The following DAB1 variants were observed in gnomAD, a reference collection of about 807,000 sequenced individuals.
DAB1 encodes the protein DAB adaptor protein 1, also known as disabled homolog 1.
DAB1 carries 15 observed loss-of-function variants against 64.6 expected under a neutral mutation model. The ratio of observed to expected loss-of-function variants is 0.23; its 90% CI spans 0.16 to 0.36. The LOEUF is 0.36. Among genes scored for constraint, DAB1 ranks in the 10% least tolerant of loss-of-function variants. DAB1 has a pLI of 1.00. For synonymous variants in DAB1, 235 were observed against 251.9 expected (o/e 0.93, Z 0.64); for missense variants, 596 against 706.7 (o/e 0.84, Z 1.78).
intron 2 of DAB1, among the ~76,000 whole-genome samples, chr1:57,288,366 G>A (rs1329005256): frequency 6.6e-6 from 1 of 152,074 alleles, no homozygotes; most frequent in Non-Finnish European, 1.5e-5. Context: ...GCATATCTGT[G>A]TTTCACCAAA....
chr1:58,128,794 C>G (rs1436429724), intron 5 of DAB1, among the ~76,000 whole-genome samples: 1 of 140,844 alleles, frequency 7.1e-6, no homozygotes, highest in Non-Finnish European at 1.5e-5. Context: ...GCCTTGCATC[C>G]CAGGGATGAA....
intron 2 of DAB1, among the ~76,000 whole-genome samples, chr1:57,288,143 T>C (rs1299806338): frequency 6.6e-6 from 1 of 152,186 alleles, no homozygotes; most frequent in Non-Finnish European, 1.5e-5. Context: ...GACAAATGTA[T>C]AGAGAATAAT....
chr1:57,526,376 CA>C (rs1303517015), intron 7 of DAB1, among the ~76,000 whole-genome samples: 1 of 152,190 alleles, frequency 6.6e-6, no homozygotes, highest in Admixed American at 6.5e-5. Flanking sequence ...TCTACAAAAT[CA>C]ATGGCTGAAA....
At chr1:57,929,104 T>C (rs1644920200) in intron 5 of DAB1, among the ~76,000 whole-genome samples, 1 of 152,360 alleles carries the variant, frequency 6.6e-6, no homozygotes, top group East Asian at 1.9e-4. Flanking sequence ...CAGCATTTAG[T>C]AGTCCCTGAG....
chr1:57,105,424 C>T (rs989632130), intron 4 of DAB1, among the ~76,000 whole-genome samples: 2 of 151,612 alleles, frequency 1.3e-5, no homozygotes, highest in African/African-American at 4.8e-5. Context: ...TTTTCCATCC[C>T]CCTGTTGTTT....
intron 2 of DAB1, among the ~76,000 whole-genome samples, chr1:57,223,614 C>T (rs1310935064): frequency 1.3e-5 from 2 of 152,150 alleles, no homozygotes; most frequent in African/African-American, 4.8e-5. Flanking sequence ...GGATATGATC[C>T]CTGGGCAGGC....
At chr1:57,052,535 A>G (rs1048162346) in intron 9 of DAB1, among the ~76,000 whole-genome samples, 3 of 152,206 alleles carry the variant, frequency 2.0e-5, no homozygotes, top group African/African-American at 7.2e-5. Context: ...TTCAGAAGGC[A>G]ACACCATAAC....
intron 4 of DAB1, among the ~76,000 whole-genome samples, chr1:57,080,438 G>T (rs551054166): frequency 6.6e-6 from 1 of 152,212 alleles, no homozygotes; most frequent in East Asian, 1.9e-4. Flanking sequence ...GTCCTCTTTT[G>T]TTCTTAAAAT....
At chr1:57,909,249 C>A (rs1271675129) in intron 5 of DAB1, among the ~76,000 whole-genome samples, 2 of 152,142 alleles carry the variant, frequency 1.3e-5, no homozygotes, top group African/African-American at 4.8e-5. Flanking sequence ...ACTCAGTGGC[C>A]TTCTTCATAA....
chr1:58,458,686 C>A (rs1341440895), intron 3 of DAB1, among the ~76,000 whole-genome samples: 2 of 152,118 alleles, frequency 1.3e-5, no homozygotes, highest in African/African-American at 4.8e-5. Context: ...TGCCTGTTAT[C>A]CCAGCTACTT....
chr1:58,185,443 T>C (rs930785029), intron 4 of DAB1, among the ~76,000 whole-genome samples: 14 of 152,162 alleles, frequency 9.2e-5, no homozygotes, highest in African/African-American at 3.4e-4. Flanking sequence ...TCAGAAGGAA[T>C]CCTAGCCTGA....
chr1:57,137,995 A>AT lies in DAB1; in HGVS notation c.208-1355dup, dbSNP rs1276095176. On this transcript the variant is annotated intron_variant, in intron 3 of 14. Coordinates refer to ENST00000371236, the MANE Select transcript of DAB1 (RefSeq NM_001365792.1). ...CACTTCCTCCAGTGTAAAATCCATC[A>AT]TTTTTTTGCATGGTTAAGAGACTTA... 1.7e-4 allele frequency among the ~76,000 whole-genome samples: 26 copies of AT among 152,184 alleles called. 1 individual carries two copies. Among genetic ancestry groups the AT allele is most frequent in the South Asian group, 1.2e-3 (6 of 4,812 alleles).
intron 5 of DAB1, among the ~76,000 whole-genome samples, chr1:58,026,963 G>T (rs1357026967): frequency 6.6e-6 from 1 of 152,302 alleles, no homozygotes; most frequent in Admixed American, 6.5e-5. Context: ...TGACTCTGTG[G>T]TAGAAGGACA....
At chr1:58,195,298 C>A (rs1657613515) in intron 4 of DAB1, among the ~76,000 whole-genome samples, 1 of 152,132 alleles carries the variant, frequency 6.6e-6, no homozygotes, top group South Asian at 2.1e-4. Flanking sequence ...GAAATCAAGA[C>A]AGCTCCAGAA....
Position 58,172,603 on chromosome 1 carries a change from T to C in DAB1, n.310-22015A>G, listed in dbSNP as rs1222616078. Reference sequence around the variant, plus strand: ...CAATTGAGCATGACTGCCAACAAATTATAGTACAGACTTATGCCGCCCGAG... The same window carrying C: ...CAATTGAGCATGACTGCCAACAAATCATAGTACAGACTTATGCCGCCCGAG... On this transcript the variant is annotated intron_variant and non_coding_transcript_variant, in intron 4 of 20. Coordinates refer to the DAB1 transcript ENST00000485760. 2.0e-5 allele frequency among the ~76,000 whole-genome samples: 3 copies of C among 152,286 alleles called. No homozygotes were observed. The East Asian group carries it at 5.8e-4, about 29-fold the overall frequency.
At chr1:57,062,860 G>A (rs1389970036) in intron 9 of DAB1, 24 bp downstream of exon 9, 2 of 1,602,572 alleles carry the variant, frequency 1.2e-6, no homozygotes, top group South Asian at 1.1e-5. Context: ...CGGAAACCTG[G>A]CAGTGGAGAG....
chr1:57,471,999 A>G (rs1687152981), intron 7 of DAB1, among the ~76,000 whole-genome samples: 1 of 152,186 alleles, frequency 6.6e-6, no homozygotes, highest in Non-Finnish European at 1.5e-5. Context: ...GGATTACAGG[A>G]GGGGAGAAAG....
In DAB1 at chr1:57,087,631, C is replaced by G. The variant is rs555260317; in HGVS notation, c.307-15217G>C. On this transcript the variant is annotated intron_variant, in intron 4 of 14. Transcript: ENST00000371236. ...TTGGGACTGAGCCCAAATGTGGAAG[C>G]CTGTGCCTGTCATTTTGAAAACTCT... Among the ~76,000 whole-genome samples, 23 of 152,244 alleles carry G rather than the reference C, an allele frequency of 1.5e-4. No homozygotes were observed. The East Asian group carries it at 4.5e-3, about 29-fold the overall frequency.
Position 58,404,818 on chromosome 1 carries a change from C to T in DAB1, n.258-61415G>A, listed in dbSNP as rs11207219. On this transcript the variant is annotated intron_variant and non_coding_transcript_variant, in intron 3 of 20. Transcript: ENST00000485760. ...GAAGAAACACTGTTAGCACAGTGCCCAGGAAACAGTCATGTCCAGGGAGGA... is the reference window on the plus strand; with the variant it reads ...GAAGAAACACTGTTAGCACAGTGCCTAGGAAACAGTCATGTCCAGGGAGGA... 5.8e-3 allele frequency among the ~76,000 whole-genome samples: 878 copies of T among 152,296 alleles called. 9 individuals are homozygous for T. Among genetic ancestry groups the T allele is most frequent in the African/African-American group, 0.02 (842 of 41,560 alleles).
Sources: allele counts gnomAD v4.1 joint callset (sites outside exome capture counted in the v4.1 genomes callset), GRCh38; gene constraint gnomAD v4.1.1; transcripts MANE v1.5; gene names NCBI Gene and HGNC (gene_info 2026-07-23, HGNC 2026-07-21).